Variants in AGTPBP1 observed in about 807,000 individuals in gnomAD.
The protein encoded by AGTPBP1 is ATP/GTP binding carboxypeptidase 1.
Under a neutral mutation model 143.9 loss-of-function variants are expected in AGTPBP1, and 70 were observed. The observed-to-expected ratio is 0.49, with a 90% CI of 0.40 to 0.59. The LOEUF (loss-of-function observed/expected upper bound fraction) is 0.59, where lower values mean the gene tolerates loss of function less well. Among genes scored for constraint, AGTPBP1 ranks in the 20% least tolerant of loss-of-function variants. AGTPBP1 has a pLI of 0.00. For synonymous variants in AGTPBP1, 463 were observed against 500.2 expected (o/e 0.93, Z 0.99); for missense variants, 1,229 against 1,464.5 (o/e 0.84, Z 2.62).
chr9:85,745,159 G>T (rs1824566165), upstream of AGTPBP1, among the ~76,000 whole-genome samples: 1 of 152,162 alleles, frequency 6.6e-6, no homozygotes, highest in Admixed American at 6.5e-5. Flanking sequence ...CTCCTCTTCT[G>T]CGGATCACCT....
chr9:85,647,661 A>C (rs1832901971), intron 11 of AGTPBP1, among the ~76,000 whole-genome samples: 1 of 152,148 alleles, frequency 6.6e-6, no homozygotes, highest in Non-Finnish European at 1.5e-5. Flanking sequence ...CTTGATGCTG[A>C]CCACTTCACA....
chr9:85,748,415 A>G, the AGTPBP1 span, among the ~76,000 whole-genome samples: 62 of 152,114 alleles, frequency 4.1e-4, no homozygotes, highest in Non-Finnish European at 7.4e-5. Flanking sequence ...TGAATATAGG[A>G]TACTTTTCCG....
At chr9:85,699,613 A>C (rs896963471) in intron 2 of AGTPBP1, among the ~76,000 whole-genome samples, 4 of 150,456 alleles carry the variant, frequency 2.7e-5, no homozygotes, top group African/African-American at 4.9e-5. Context: ...AAAAAAAAAA[A>C]CCATAAAAAC....
At chr9:85,629,224 T>C (rs998663102) in intron 14 of AGTPBP1, among the ~76,000 whole-genome samples, 2 of 152,214 alleles carry the variant, frequency 1.3e-5, no homozygotes, top group African/African-American at 4.8e-5. Flanking sequence ...TATTAGACTG[T>C]ACACAGGCAG....
chr9:85,712,688 A>G (rs1837456811), intron 1 of AGTPBP1, 122 bp from the exon 2 acceptor site: 1 of 424,768 alleles, frequency 2.4e-6, no homozygotes, highest in Admixed American at 4.5e-5. Flanking sequence ...ACCGGAAACA[A>G]AAAGAGAACA....
intron 17 of AGTPBP1, among the ~76,000 whole-genome samples, chr9:85,603,272 G>GA (rs1418352156): frequency 1.1e-3 from 169 of 152,326 alleles, no homozygotes; most frequent in African/African-American, 3.9e-3. Context: ...GCTTGAGAGT[G>GA]GAGACGGGAG....
intron 3 of AGTPBP1, among the ~76,000 whole-genome samples, chr9:85,691,537 GT>G (rs1350256986): frequency 2.6e-3 from 188 of 71,592 alleles, no homozygotes; most frequent in African/African-American, 0.018. Context: ...AAAAAAGAGG[GT>G]GTGTGTGTGT....
chr9:85,798,020 G>A, the AGTPBP1 span, among the ~76,000 whole-genome samples: 2 of 151,636 alleles, frequency 1.3e-5, no homozygotes, highest in Non-Finnish European at 2.9e-5. Context: ...CGCCTCTCAA[G>A]TAGTTGGGAA....
chr9:85,610,704 A>G (rs964899813), intron 17 of AGTPBP1, among the ~76,000 whole-genome samples: 1 of 152,146 alleles, frequency 6.6e-6, no homozygotes, highest in Admixed American at 6.6e-5. Context: ...CCTCATTTCA[A>G]TCATGTCTGA....
chr9:85,742,227 T>C (rs1034350689), upstream of AGTPBP1, among the ~76,000 whole-genome samples: 5 of 152,216 alleles, frequency 3.3e-5, no homozygotes, highest in African/African-American at 7.2e-5. Context: ...TGCCGGTCCC[T>C]TGTACCCAGC....
chr9:85,667,140 T>C (rs1388982643), intron 8 of AGTPBP1, among the ~76,000 whole-genome samples: 1 of 152,130 alleles, frequency 6.6e-6, no homozygotes, highest in Non-Finnish European at 1.5e-5. Context: ...TATTCTGTGT[T>C]ACTGATTGTG....
upstream of AGTPBP1, among the ~76,000 whole-genome samples, chr9:85,743,471 T>C (rs11141084): frequency 0.011 from 1,671 of 152,268 alleles, 32 homozygotes; most frequent in African/African-American, 0.037. Flanking sequence ...AATTAAGAAC[T>C]TAGAGCTACT....
chr9:85,794,613 T>C, the AGTPBP1 span, among the ~76,000 whole-genome samples: 1 of 152,284 alleles, frequency 6.6e-6, no homozygotes, highest in East Asian at 1.9e-4. Flanking sequence ...TTTTCCAACA[T>C]TTGTTCGTTA....
chr9:85,706,942 T>TA (rs1554731859), intron 2 of AGTPBP1, among the ~76,000 whole-genome samples: 23 of 150,588 alleles, frequency 1.5e-4, no homozygotes, highest in African/African-American at 4.7e-4. Flanking sequence ...ACTATATATT[T>TA]TAAAAAAAAA....
chr9:85,779,655 T>C, the AGTPBP1 span, among the ~76,000 whole-genome samples: 1 of 152,112 alleles, frequency 6.6e-6, no homozygotes, highest in African/African-American at 2.4e-5. Flanking sequence ...TTCAGTCCAA[T>C]CAAGTTGACA....
Position 85,588,472 on chromosome 9 carries a change from C to T in AGTPBP1, c.2729G>A (p.Arg910His). The T allele has an allele frequency of 1.2e-6, 2 of 1,609,588 alleles. No individual in the cohort carries two copies. Among genetic ancestry groups the T allele is most frequent in the African/African-American group, 1.3e-5 (1 of 74,682 alleles). Residue 910 changes from arginine to histidine, a missense_variant, in exon 21 of 26, where the codon CGC (arginine) becomes CAC (histidine). Arg to His is a conservative substitution (Grantham distance 29). Transcript: ENST00000357081. ...YYEHICHFRN[R>H]PYVFLSARVH... is the part of the protein sequence containing the mutation. ...CCGAGCAGACAAGAAAACGTAAGGG[C>T]GATTTCCTAAAGTACACATAAAATC... is the stretch of plus-strand genomic sequence containing the variant.
chr9:85,733,662 C>A (rs1839032605), intron 1 of AGTPBP1, among the ~76,000 whole-genome samples: 1 of 152,036 alleles, frequency 6.6e-6, no homozygotes, highest in African/African-American at 2.4e-5. Context: ...AAGAAATCAA[C>A]AAAACCAAAA....
At chr9:85,666,401 T>C (rs1834136858) in intron 8 of AGTPBP1, among the ~76,000 whole-genome samples, 1 of 152,070 alleles carries the variant, frequency 6.6e-6, no homozygotes, top group Admixed American at 6.6e-5. Context: ...GAGGAAGAAA[T>C]ACAACAGAAA....
Position 85,588,603 on chromosome 9 carries a change from T to G in AGTPBP1, c.2723-125A>C. Reference sequence around the variant, plus strand: ...TCTAATATAAATTAATAGAACCCAATGGTGCATCCTACAAGCACTGCACTA... The same window carrying G: ...TCTAATATAAATTAATAGAACCCAAGGGTGCATCCTACAAGCACTGCACTA... On this transcript the variant is annotated intron_variant, in intron 20 of 25. Coordinates refer to ENST00000357081, the MANE Select transcript of AGTPBP1 (RefSeq NM_001330701.2). 3 of 935,866 alleles carry G rather than the reference T, an allele frequency of 3.2e-6. No individual in the cohort carries two copies. The South Asian group carries it at 5.0e-5, about 15-fold the overall frequency. The allele number at this position is 935,866 out of a possible 1,614,324, so 58.0% of individuals were successfully genotyped here.
Sources: gnomAD v4.1 joint callset for allele counts (sites outside exome capture counted in the v4.1 genomes callset) on GRCh38, gnomAD v4.1.1 for gene constraint, MANE v1.5 for transcripts, NCBI Gene and HGNC (gene_info 2026-07-23, HGNC 2026-07-21) for gene names.